ESRRB: variants seen among roughly 807,000 people sequenced by gnomAD.
The protein encoded by ESRRB is estrogen related receptor beta.
ESRRB carries 16 observed loss-of-function variants against 46.0 expected under a neutral mutation model. The observed-to-expected ratio is 0.35, with a 90% CI of 0.24 to 0.53. The LOEUF (loss-of-function observed/expected upper bound fraction) is 0.53. Ranked by LOEUF, ESRRB falls within the 20% of genes least tolerant of loss-of-function variation. The probability of loss-of-function intolerance (pLI) is 0.93; values close to 1 mark genes in which losing one functional copy is unlikely to be tolerated. For synonymous variants in ESRRB, 246 were observed against 259.6 expected (o/e 0.95, Z 0.50); for missense variants, 488 against 607.4 (o/e 0.80, Z 2.07).
In ESRRB at chr14:76,334,550, G is replaced by A. The variant is rs938286103; in HGVS notation, c.2+23634G>A. Among the ~76,000 whole-genome samples, 17 of 152,284 alleles carry A rather than the reference G, an allele frequency of 1.1e-4. No homozygotes were observed. The South Asian group carries it at 1.2e-3, about 11-fold the overall frequency. ...GGTTCCACTCCAGGGCCTCGCCTGCGACATGCATTTTTAATCATAACAAAA... is the reference window on the plus strand; with the variant it reads ...GGTTCCACTCCAGGGCCTCGCCTGCAACATGCATTTTTAATCATAACAAAA... On this transcript the variant is annotated intron_variant, in intron 1 of 6. Transcript: ENST00000512784.
upstream of ESRRB, among the ~76,000 whole-genome samples, chr14:76,369,528 C>T (rs117660944): frequency 0.016 from 2,381 of 152,196 alleles, 30 homozygotes; most frequent in Non-Finnish European, 0.024. Flanking sequence ...CCTGCTTCGG[C>T]CTCCCAAAAT....
At position 76,469,110 on chromosome 14, in the gene ESRRB, C is replaced by G. The variant is rs568296188; in HGVS notation, c.577+6449C>G. Among the ~76,000 whole-genome samples the G allele has an allele frequency of 7.5e-4, 113 of 150,876 alleles. 2 individuals are homozygous for G. Among genetic ancestry groups the G allele is most frequent in the African/African-American group, 2.2e-3 (91 of 41,104 alleles). On this transcript the variant is annotated intron_variant, in intron 3 of 6. Transcript: ENST00000644823. The stretch of plus-strand genomic sequence containing the variant: ...TTCATTCCTTTATTTATTTTTTTTT[C>G]TGAGATGGAGTCTCGCTCTGTTGCC...
At chr14:76,398,037 CT>C (rs1281950573) in intron 1 of ESRRB, among the ~76,000 whole-genome samples, 1 of 152,222 alleles carries the variant, frequency 6.6e-6, no homozygotes, top group East Asian at 1.9e-4. Flanking sequence ...TATTCTCTCA[CT>C]TTTTTATGTC....
chr14:76,491,769 C>T (rs1226164572), intron 6 of ESRRB, 53 bp downstream of exon 6: 15 of 1,516,874 alleles, frequency 9.9e-6, no homozygotes, highest in Non-Finnish European at 1.2e-5. Flanking sequence ...CTGCATGGGC[C>T]TAATGAGCCC....
chr14:76,324,963 C>CTTTTTTTTTTTTTTTT (rs34780208), intron 1 of ESRRB, among the ~76,000 whole-genome samples: 12 of 102,198 alleles, frequency 1.2e-4, no homozygotes, highest in South Asian at 7.1e-4. Flanking sequence ...TTTTCTTTTT[C>CTTTTTTTTTTTTTTTT]TTTTTTTTTT....
At chr14:76,341,954 G>A (rs1884196545) in intron 1 of ESRRB, among the ~76,000 whole-genome samples, 1 of 152,238 alleles carries the variant, frequency 6.6e-6, no homozygotes. Flanking sequence ...TCTGGCAAGA[G>A]TCCACATGTC....
At chr14:76,462,965 G>A (rs576897245) in intron 3 of ESRRB, among the ~76,000 whole-genome samples, 3 of 152,332 alleles carry the variant, frequency 2.0e-5, no homozygotes, top group East Asian at 3.9e-4. Context: ...TCTACCCTAG[G>A]AGGGGTAGGC....
chr14:76,476,000 T>TATTGACATTGATACAGTCA (rs1379585537), intron 3 of ESRRB, among the ~76,000 whole-genome samples: 1 of 152,220 alleles, frequency 6.6e-6, no homozygotes, highest in Non-Finnish European at 1.5e-5. Context: ...ACAACCAGGA[T>TATTGACATTGATACAGTCA]ATTGACATTG....
intron 5 of ESRRB, among the ~76,000 whole-genome samples, chr14:76,484,110 C>A (rs1427542811): frequency 6.6e-6 from 1 of 152,210 alleles, no homozygotes; most frequent in African/African-American, 2.4e-5. Flanking sequence ...CGCACCTCAG[C>A]CTCCCAAAGT....
intron 1 of ESRRB, among the ~76,000 whole-genome samples, chr14:76,424,497 T>G (rs1887114543): frequency 6.6e-6 from 1 of 152,170 alleles, no homozygotes; most frequent in African/African-American, 2.4e-5. Context: ...TGTCGTCCCC[T>G]TCGTTGTGTG....
intron 3 of ESRRB, among the ~76,000 whole-genome samples, chr14:76,480,196 G>A (rs1467184029): frequency 6.6e-6 from 1 of 152,208 alleles, no homozygotes; most frequent in Non-Finnish European, 1.5e-5. Context: ...TGGGTGGGCT[G>A]CTGAGTAGAC....
At chr14:76,353,170 C>T (rs1434611077) in intron 1 of ESRRB, among the ~76,000 whole-genome samples, 1 of 152,228 alleles carries the variant, frequency 6.6e-6, no homozygotes, top group East Asian at 1.9e-4. Flanking sequence ...TTGAAACAGC[C>T]CCTGGATAGA....
intron 1 of ESRRB, among the ~76,000 whole-genome samples, chr14:76,380,141 G>T (rs1480315115): frequency 2.6e-5 from 4 of 152,164 alleles, no homozygotes. Context: ...TTGCCAAGTG[G>T]TTTTTAAAGA....
At chr14:76,437,212 T>A (rs1183925107) in intron 1 of ESRRB, among the ~76,000 whole-genome samples, 1 of 152,082 alleles carries the variant, frequency 6.6e-6, no homozygotes, top group Admixed American at 6.5e-5. Context: ...TTGTATTTTT[T>A]GTAGAGACGG....
At chr14:76,443,112 G>A (rs189281331) in intron 2 of ESRRB, among the ~76,000 whole-genome samples, 16 of 151,816 alleles carry the variant, frequency 1.1e-4, no homozygotes, top group Admixed American at 4.6e-4. Flanking sequence ...CACCGCGCCC[G>A]GTCATAAAGT....
intron 1 of ESRRB, among the ~76,000 whole-genome samples, chr14:76,314,224 G>C (rs994960223): frequency 1.3e-5 from 2 of 152,174 alleles, no homozygotes; most frequent in Non-Finnish European, 2.9e-5. Flanking sequence ...GCTGGAGAGA[G>C]GGGAGTCATT....
intron 1 of ESRRB, among the ~76,000 whole-genome samples, chr14:76,389,734 T>C (rs1230726279): frequency 6.6e-6 from 1 of 152,188 alleles, no homozygotes; most frequent in Non-Finnish European, 1.5e-5. Context: ...TATTCAGCAG[T>C]TTTGTGGGCT....
At chr14:76,437,898 G>A (rs550959173) in intron 1 of ESRRB, among the ~76,000 whole-genome samples, 2 of 152,268 alleles carry the variant, frequency 1.3e-5, no homozygotes, top group South Asian at 4.1e-4. Context: ...GGGGTGGAGG[G>A]GCTTGGTTTA....
At chr14:76,479,818 G>A (rs1889734795) in intron 3 of ESRRB, among the ~76,000 whole-genome samples, 2 of 152,188 alleles carry the variant, frequency 1.3e-5, no homozygotes, top group Non-Finnish European at 2.9e-5. Context: ...CCATTGAGGG[G>A]TGGGACACAG....
Sources: gnomAD v4.1 joint callset for allele counts (sites outside exome capture counted in the v4.1 genomes callset) on GRCh38, gnomAD v4.1.1 for gene constraint, MANE v1.5 for transcripts, NCBI Gene and HGNC (gene_info 2026-07-23, HGNC 2026-07-21) for gene names.